The following DIP2B variants were observed in gnomAD, a reference collection of about 807,000 sequenced individuals.
The protein encoded by DIP2B is disco-interacting protein 2 homolog B.
In DIP2B, 76 loss-of-function variants were observed where a neutral mutation model predicts 198.0. The observed-to-expected ratio is 0.38, with a 90% CI of 0.32 to 0.46. DIP2B has a LOEUF of 0.46. DIP2B is among the 20% of genes least tolerant of loss of function. The pLI, the probability that DIP2B is intolerant of heterozygous loss-of-function variation, is 0.99. For synonymous variants in DIP2B, 701 were observed against 739.1 expected (o/e 0.95, Z 0.84); for missense variants, 1,559 against 1,978.4 (o/e 0.79, Z 4.02).
chr12:50,646,503 C>T (rs1482977391), intron 3 of DIP2B, among the ~76,000 whole-genome samples: 3 of 152,134 alleles, frequency 2.0e-5, no homozygotes, highest in Non-Finnish European at 2.9e-5. Flanking sequence ...CTCATTGCAA[C>T]CTCCGCCTCC....
At chr12:50,715,899 G>C (rs1003294948) in intron 23 of DIP2B, among the ~76,000 whole-genome samples, 2 of 152,200 alleles carry the variant, frequency 1.3e-5, no homozygotes, top group Non-Finnish European at 2.9e-5. Flanking sequence ...GACGTTTACA[G>C]AATTTTATTG....
intron 1 of DIP2B, among the ~76,000 whole-genome samples, chr12:50,547,244 G>T (rs536388898): frequency 1.3e-5 from 2 of 152,302 alleles, no homozygotes; most frequent in South Asian, 4.1e-4. Flanking sequence ...GCTTAAAACA[G>T]TGAAATATTT....
At chr12:50,593,091 C>G (rs773969949) in intron 1 of DIP2B, among the ~76,000 whole-genome samples, 3 of 152,198 alleles carry the variant, frequency 2.0e-5, no homozygotes, top group African/African-American at 2.4e-5. Flanking sequence ...GCTTCTACAG[C>G]CTTTCTCATT....
At chr12:50,543,125 C>G (rs976988275) in intron 1 of DIP2B, among the ~76,000 whole-genome samples, 2 of 152,132 alleles carry the variant, frequency 1.3e-5, no homozygotes, top group Non-Finnish European at 2.9e-5. Context: ...TCACTCACCT[C>G]AGCTTCCCAA....
chr12:50,554,459 T>A (rs1457791398), intron 1 of DIP2B, among the ~76,000 whole-genome samples: 1 of 152,230 alleles, frequency 6.6e-6, no homozygotes, highest in Non-Finnish European at 1.5e-5. Flanking sequence ...GTATTTGTCA[T>A]TGATATGTCT....
chr12:50,647,316 G>A (rs1938368253), intron 3 of DIP2B, among the ~76,000 whole-genome samples: 1 of 152,156 alleles, frequency 6.6e-6, no homozygotes, highest in Admixed American at 6.5e-5. Flanking sequence ...CACAGAAGAG[G>A]GAGACGGGAA....
intron 22 of DIP2B, among the ~76,000 whole-genome samples, chr12:50,711,762 G>A (rs1939620709): frequency 6.6e-6 from 1 of 152,098 alleles, no homozygotes; most frequent in Non-Finnish European, 1.5e-5. Flanking sequence ...GTTTCACCAC[G>A]CTGGCCAGGC....
intron 1 of DIP2B, among the ~76,000 whole-genome samples, chr12:50,585,584 A>G (rs1958763573): frequency 6.6e-6 from 1 of 152,214 alleles, no homozygotes; most frequent in Non-Finnish European, 1.5e-5. Flanking sequence ...AGACTAGGTC[A>G]GTAGGTATGT....
intron 1 of DIP2B, among the ~76,000 whole-genome samples, chr12:50,582,148 T>G (rs1162137433): frequency 1.4e-4 from 10 of 72,414 alleles, no homozygotes; most frequent in Non-Finnish European, 3.1e-4. Context: ...TTTTTCTGTT[T>G]TTTTTTTTTT....
intron 1 of DIP2B, among the ~76,000 whole-genome samples, chr12:50,523,238 CT>C (rs1340112738): frequency 6.6e-6 from 1 of 152,086 alleles, no homozygotes; most frequent in Non-Finnish European, 1.5e-5. Context: ...AGCACATCCT[CT>C]TGTTTAAATC....
chr12:50,617,808 C>CA (rs566660783), intron 1 of DIP2B, among the ~76,000 whole-genome samples: 1 of 151,908 alleles, frequency 6.6e-6, no homozygotes, highest in African/African-American at 2.4e-5. Context: ...GACTCCATCT[C>CA]AAAAAAATAA....
intron 1 of DIP2B, among the ~76,000 whole-genome samples, chr12:50,514,223 G>A (rs1170590415): frequency 1.3e-5 from 2 of 151,756 alleles, no homozygotes; most frequent in African/African-American, 4.8e-5. Flanking sequence ...GCACCATTGG[G>A]CCCAGCTAAT....
chr12:50,673,311 CA>C (rs1190339231), intron 5 of DIP2B, among the ~76,000 whole-genome samples: 1 of 151,806 alleles, frequency 6.6e-6, no homozygotes, highest in Admixed American at 6.6e-5. Context: ...TTAAGTTTTA[CA>C]AAAAACTTAG....
intron 1 of DIP2B, among the ~76,000 whole-genome samples, chr12:50,609,429 T>A (rs888908134): frequency 6.6e-6 from 1 of 152,234 alleles, no homozygotes; most frequent in African/African-American, 2.4e-5. Context: ...TCTCAACTAG[T>A]ACAGCAACTC....
Position 50,517,840 on chromosome 12 carries a change from C to T in DIP2B, c.100+12600C>T, listed in dbSNP as rs892898852. Reference sequence around the variant, plus strand: ...GGTATGTTCTTCCCCTTTTTTTGCCCGGTTAACTTCTGTTTCAGTTTCCTG... The same window carrying T: ...GGTATGTTCTTCCCCTTTTTTTGCCTGGTTAACTTCTGTTTCAGTTTCCTG... On this transcript the variant is annotated intron_variant, in intron 1 of 37. Coordinates refer to ENST00000301180, the MANE Select transcript of DIP2B (RefSeq NM_173602.3). 2.0e-5 allele frequency among the ~76,000 whole-genome samples: 3 copies of T among 151,956 alleles called. No homozygotes were observed. In the South Asian group the frequency reaches 6.2e-4, roughly 31 times the overall value.
At chr12:50,724,965 C>T (rs930447742) in intron 28 of DIP2B, 79 bp downstream of exon 28, 131 of 1,396,432 alleles carry the variant, frequency 9.4e-5, no homozygotes, top group Middle Eastern at 1.8e-4. Context: ...TCATGCCAGA[C>T]GTGTTTACCC....
intron 1 of DIP2B, among the ~76,000 whole-genome samples, chr12:50,614,173 G>A (rs192537979): frequency 6.6e-6 from 1 of 152,210 alleles, no homozygotes; most frequent in East Asian, 1.9e-4. Flanking sequence ...CTTTAAAACT[G>A]TTCTTAACTG....
At chr12:50,682,412 T>C (rs765383386) in intron 9 of DIP2B, among the ~76,000 whole-genome samples, 11 of 151,822 alleles carry the variant, frequency 7.2e-5, no homozygotes, top group Non-Finnish European at 1.5e-4. Context: ...GATCACGAGG[T>C]CAGGAGATCG....
chr12:50,613,280 A>G (rs137940210), intron 1 of DIP2B, among the ~76,000 whole-genome samples: 4 of 152,322 alleles, frequency 2.6e-5, no homozygotes, highest in Admixed American at 6.5e-5. Flanking sequence ...TTTGAGGACT[A>G]TATGGATTAA....
Sources: allele counts gnomAD v4.1 joint callset (sites outside exome capture counted in the v4.1 genomes callset), GRCh38; gene constraint gnomAD v4.1.1; transcripts MANE v1.5; gene names NCBI Gene and HGNC (gene_info 2026-07-23, HGNC 2026-07-21).